Variants in ARVCF observed in about 807,000 individuals in gnomAD.
ARVCF encodes the protein splicing regulator ARVCF.
ARVCF carries 66 observed loss-of-function variants against 90.9 expected under a neutral mutation model. The observed-to-expected ratio is 0.73, with a 90% CI of 0.60 to 0.89. The LOEUF is 0.89. ARVCF is among the 40% of genes least tolerant of loss of function. The pLI is 0.00. For synonymous variants in ARVCF, 653 were observed against 603.4 expected (o/e 1.08, Z -1.21); for missense variants, 1,469 against 1,382.3 (o/e 1.06, Z -1.00).
chr22:19,980,656 G>A, intron 5 of ARVCF: 1 of 204,130 alleles, frequency 4.9e-6, no homozygotes, highest in Non-Finnish European at 9.7e-6. Flanking sequence ...TGTAGGGGGA[G>A]TAAATGGCCC....
In ARVCF at chr22:19,971,885, C is replaced by T. The variant is rs1301274521; in HGVS notation, c.2781+1G>A. 5 of 1,613,338 alleles carry T rather than the reference C, an allele frequency of 3.1e-6. No homozygotes were observed. The Admixed American group carries it at 5.0e-5, about 16-fold the overall frequency. ...CTGCCCACAGCCACATGACCACTTA[C>T]TTTCAAGGGTTCCTTCTCAGAGGCC... On this transcript the variant is annotated splice_donor_variant, in intron 18 of 19. Coordinates refer to ENST00000263207, the MANE Select transcript of ARVCF (RefSeq NM_001670.3). LOFTEE classifies it high-confidence loss of function.
Position 20,016,654 on chromosome 22 carries a change from T to C in ARVCF, c.-138A>G, listed in dbSNP as rs1055539168. On this transcript the variant is annotated 5_prime_UTR_variant, in exon 1 of 20. Coordinates refer to ENST00000263207, the MANE Select transcript of ARVCF (RefSeq NM_001670.3). ...CCCCAGAAGGGCTTCCCCGGGTCCGTTGGCGCGCGGGGAGCGGCGTTCCCA... is the reference window on the plus strand; with the variant it reads ...CCCCAGAAGGGCTTCCCCGGGTCCGCTGGCGCGCGGGGAGCGGCGTTCCCA... 2.0e-5 allele frequency: 3 copies of C among 149,980 alleles called. No individual in the cohort carries two copies. The highest frequency in any genetic ancestry group is 3.0e-5 in the Non-Finnish European group (2 of 67,352). 9.3% of individuals were successfully genotyped at this position (149,980 alleles called of 1,614,324 possible).
In ARVCF at chr22:19,971,109, C is replaced by T. The variant is rs540829432; in HGVS notation, c.*12+107G>A. The T allele has an allele frequency of 1.1e-3, 1,744 of 1,531,124 alleles. 2 individuals carry two copies. Among genetic ancestry groups the T allele is most frequent in the Non-Finnish European group, 1.4e-3 (1,537 of 1,133,018 alleles). The allele number at this position is 1,531,124 out of a possible 1,614,324, so 94.8% of individuals were successfully genotyped here. On this transcript the variant is annotated intron_variant, in intron 19 of 19. Transcript: ENST00000263207. ...TGCTGGACTGGAGGCCAAAGTCCTG[C>T]GGGGAACGTGCGGGAAGAGCAGAGC...
intron 3 of ARVCF, chr22:19,987,039 G>T (rs1426024210): frequency 1.5e-6 from 1 of 654,380 alleles, no homozygotes; most frequent in Non-Finnish European, 2.8e-6. Flanking sequence ...TCCGACCCCG[G>T]GCCAGGGTCC....
At chr22:19,999,309 G>A (rs1316858873) in intron 2 of ARVCF, among the ~76,000 whole-genome samples, 1 of 152,202 alleles carries the variant, frequency 6.6e-6, no homozygotes, top group Non-Finnish European at 1.5e-5. Flanking sequence ...CCCCTGGGGT[G>A]GGGTTGGGGT....
chr22:20,012,079 T>TGGGG (rs748580387), intron 1 of ARVCF, among the ~76,000 whole-genome samples: 1 of 117,152 alleles, frequency 8.5e-6, no homozygotes. Context: ...CCTCCCAAAG[T>TGGGG]CCCCCCCCCC....
rs575010336 is a variant in ARVCF, at chr22:19,972,909, G to A, written c.2550+16C>T. ...AAAGTGAGCAGGGAATGGAAGGAAG[G>A]CCAGGGAAGCCGCACCTGGAAGCGC... On this transcript the variant is annotated intron_variant, in intron 15 of 19. Transcript: ENST00000263207. 6 of 1,613,822 alleles carry A rather than the reference G, an allele frequency of 3.7e-6. No individual in the cohort carries two copies. The African/African-American group carries it at 4.0e-5, about 11-fold the overall frequency.
At chr22:20,000,144 C>T (rs1944393738) in intron 2 of ARVCF, among the ~76,000 whole-genome samples, 1 of 152,208 alleles carries the variant, frequency 6.6e-6, no homozygotes, top group African/African-American at 2.4e-5. Flanking sequence ...GAGATCTTGA[C>T]CCAGCATGAA....
In ARVCF at chr22:19,981,426, G is replaced by A. The variant is rs772552192; in HGVS notation, c.681C>T (p.Phe227=). The change falls in exon 5 of 20, where the codon TTC becomes TTT. Residue 227 remains phenylalanine (F), a synonymous_variant. Coordinates refer to ENST00000263207, the MANE Select transcript of ARVCF (RefSeq NM_001670.3). ...AGGCTTCCCGGTGGCCAGGCAGTGT[G>A]AAGCAGCCATCACCAGGGCCTGGGC... ...PLGPGPGDGC[F]TLPGHREAFP... The A allele has an allele frequency of 5.7e-6, 9 of 1,572,184 alleles. No individual in the cohort carries two copies. Among genetic ancestry groups the A allele is most frequent in the Non-Finnish European group, 7.7e-6 (9 of 1,161,410 alleles).
At chr22:19,998,666 T>A (rs1944340527) in intron 2 of ARVCF, among the ~76,000 whole-genome samples, 1 of 151,764 alleles carries the variant, frequency 6.6e-6, no homozygotes. Flanking sequence ...CTTAGATAAG[T>A]GGAAAACAGC....
rs1942837873 is a variant in ARVCF, at chr22:19,972,027, G to A, written c.2696-56C>T. The A allele has an allele frequency of 2.4e-5, 35 of 1,474,086 alleles. 1 individual carries two copies. In the South Asian group the frequency reaches 4.0e-4, roughly 17 times the overall value. The allele number at this position is 1,474,086 out of a possible 1,614,324, so 91.3% of individuals were successfully genotyped here. A position where few individuals can be genotyped will look rare whatever the true frequency, so the allele number is the denominator to read the frequency against. On this transcript the variant is annotated intron_variant, in intron 17 of 19. Coordinates refer to ENST00000263207, the MANE Select transcript of ARVCF (RefSeq NM_001670.3). ...GCGCTCTGAGGGAGGCCCTGTAGGA[G>A]CAGATCTCCCTCTCAGCCCAGACAC... is the stretch of plus-strand genomic sequence containing the variant.
chr22:19,992,647 G>C (rs546923283), intron 2 of ARVCF, among the ~76,000 whole-genome samples: 3 of 152,340 alleles, frequency 2.0e-5, no homozygotes, highest in African/African-American at 7.2e-5. Context: ...TCAGAAGCAA[G>C]GGACAGAAGG....
chr22:19,972,359 T>A lies in ARVCF; in HGVS notation c.2694A>T (p.Pro898=), dbSNP rs1350017000. The A allele has an allele frequency of 6.2e-7, 1 of 1,613,716 alleles. No homozygotes were observed. Among genetic ancestry groups the A allele is most frequent in the Non-Finnish European group, 8.5e-7 (1 of 1,179,960 alleles). The change falls in exon 17 of 20, where the codon CCA becomes CCT. Residue 898 remains proline (P), a splice_region_variant and synonymous_variant. Coordinates refer to ENST00000263207, the MANE Select transcript of ARVCF (RefSeq NM_001670.3). ...RDVIPMDALG[P]DGYSTVDRRE... ...CAACCACACTGCATCTGCACTCACC[T>A]GGGCCCAGCGCATCCATGGGGATCA...
At chr22:19,966,235 G>A (rs1422348042), downstream of ARVCF, among the ~76,000 whole-genome samples, 1 of 152,164 alleles carries the variant, frequency 6.6e-6, no homozygotes, top group Non-Finnish European at 1.5e-5. Flanking sequence ...CCCTTGTGGA[G>A]GGTTAGGGGA....
intron 19 of ARVCF, 144 bp downstream of exon 19, chr22:19,971,072 G>A: frequency 2.9e-6 from 4 of 1,363,436 alleles, no homozygotes; most frequent in Non-Finnish European, 4.0e-6. Context: ...TTCCGGGAAT[G>A]GGCCACTGGG....
chr22:19,999,825 C>A (rs1300993343), intron 2 of ARVCF, among the ~76,000 whole-genome samples: 1 of 152,124 alleles, frequency 6.6e-6, no homozygotes, highest in Non-Finnish European at 1.5e-5. Context: ...AGGCTGGAGA[C>A]AGAACCACCG....
chr22:19,968,600 C>G (rs1211653120), downstream of ARVCF: 1 of 1,614,084 alleles, frequency 6.2e-7, no homozygotes, highest in African/African-American at 1.3e-5. Flanking sequence ...CCAGGTGCGC[C>G]AGACTTCCTA....
At chr22:19,987,380 A>AC (rs1569174909) in intron 3 of ARVCF, among the ~76,000 whole-genome samples, 2 of 24,310 alleles carry the variant, frequency 8.2e-5, no homozygotes, top group African/African-American at 3.5e-4. Flanking sequence ...CTGTCCCCCC[A>AC]CTTCCCACCA....
intron 1 of ARVCF, among the ~76,000 whole-genome samples, chr22:20,014,605 T>G (rs1253796610): frequency 6.6e-6 from 1 of 152,204 alleles, no homozygotes; most frequent in Non-Finnish European, 1.5e-5. Context: ...TGCTCTGCAG[T>G]GCTGTCCCTG....
Sources: gnomAD v4.1 joint callset for allele counts (sites outside exome capture counted in the v4.1 genomes callset) on GRCh38, gnomAD v4.1.1 for gene constraint, MANE v1.5 for transcripts, NCBI Gene and HGNC (gene_info 2026-07-23, HGNC 2026-07-21) for gene names.